The following PDE10A variants were observed in gnomAD, a reference collection of about 807,000 sequenced individuals.
The protein encoded by PDE10A is cAMP and cAMP-inhibited cGMP 3',5'-cyclic phosphodiesterase 10A.
Under a neutral mutation model 97.7 loss-of-function variants are expected in PDE10A, and 39 were observed. The observed-to-expected ratio is 0.40, with a 90% CI of 0.31 to 0.52. The LOEUF is 0.52. Ranked by LOEUF, PDE10A falls within the 20% of genes least tolerant of loss-of-function variation. The pLI is 0.56. For missense variants in PDE10A, 731 were observed against 1,047.8 expected (o/e 0.70, Z 4.17); for synonymous variants, 371 against 376.8 (o/e 0.98, Z 0.18).
chr6:165,920,092 A>G (rs1027058338), intron 1 of PDE10A, among the ~76,000 whole-genome samples: 1 of 152,178 alleles, frequency 6.6e-6, no homozygotes, highest in Non-Finnish European at 1.5e-5. Flanking sequence ...ATGCAGCCAC[A>G]CTTATCTGGT....
chr6:165,912,146 TCTAA>T (rs910626183), intron 1 of PDE10A, among the ~76,000 whole-genome samples: 31 of 152,162 alleles, frequency 2.0e-4, no homozygotes, highest in African/African-American at 2.9e-4. Flanking sequence ...CTATTATCTA[TCTAA>T]CTATCTAACT....
chr6:165,373,616 C>A (rs1784410922), intron 18 of PDE10A, among the ~76,000 whole-genome samples: 1 of 152,108 alleles, frequency 6.6e-6, no homozygotes. Flanking sequence ...AATAGGAACA[C>A]TTTTACACTG....
chr6:165,637,307 T>C (rs944420403), intron 1 of PDE10A, among the ~76,000 whole-genome samples: 8 of 152,164 alleles, frequency 5.3e-5, no homozygotes, highest in African/African-American at 1.4e-4. Context: ...CCACCACCTA[T>C]ACCATACTAG....
intron 1 of PDE10A, among the ~76,000 whole-genome samples, chr6:165,713,837 T>G (rs887221225): frequency 6.6e-6 from 1 of 152,248 alleles, no homozygotes; most frequent in African/African-American, 2.4e-5. Context: ...AAAGATTATA[T>G]GACAGTCAAT....
intron 1 of PDE10A, among the ~76,000 whole-genome samples, chr6:165,722,304 T>C (rs1373998220): frequency 6.6e-6 from 1 of 152,230 alleles, no homozygotes; most frequent in Non-Finnish European, 1.5e-5. Context: ...GTGTTTATAA[T>C]GACAGCCCAA....
intron 2 of PDE10A, among the ~76,000 whole-genome samples, chr6:165,510,814 T>C (rs1781466144): frequency 1.3e-5 from 2 of 152,030 alleles, no homozygotes; most frequent in Non-Finnish European, 1.5e-5. Flanking sequence ...TGTTAGTGTA[T>C]AGTTGTGCAT....
chr6:165,694,129 T>G (rs543423878), intron 1 of PDE10A, among the ~76,000 whole-genome samples: 1 of 152,346 alleles, frequency 6.6e-6, no homozygotes, highest in East Asian at 1.9e-4. Context: ...TGGCATTGGT[T>G]CTATACCAAG....
chr6:165,480,234 T>C (rs1779525833), intron 3 of PDE10A, among the ~76,000 whole-genome samples: 1 of 152,178 alleles, frequency 6.6e-6, no homozygotes, highest in South Asian at 2.1e-4. Context: ...AAACAAATAC[T>C]GGAGAATGGC....
At chr6:165,569,660 T>C (rs900691808) in intron 1 of PDE10A, among the ~76,000 whole-genome samples, 3 of 152,200 alleles carry the variant, frequency 2.0e-5, no homozygotes, top group African/African-American at 7.2e-5. Flanking sequence ...GTTAAACTCA[T>C]ACCCTCCTCT....
At chr6:165,648,778 G>A (rs929317785) in intron 1 of PDE10A, among the ~76,000 whole-genome samples, 2 of 152,214 alleles carry the variant, frequency 1.3e-5, no homozygotes, top group Non-Finnish European at 2.9e-5. Flanking sequence ...AACTCTGCAC[G>A]CACAGTCAGA....
intron 17 of PDE10A, among the ~76,000 whole-genome samples, chr6:165,385,200 GAAGATA>G (rs1785216865): frequency 6.6e-6 from 1 of 152,038 alleles, no homozygotes; most frequent in Admixed American, 6.6e-5. Flanking sequence ...GGAGGGATGG[GAAGATA>G]AAGCTAAAGA....
intron 1 of PDE10A, among the ~76,000 whole-genome samples, chr6:165,833,545 G>A (rs766544326): frequency 1.3e-5 from 2 of 152,262 alleles, no homozygotes; most frequent in Non-Finnish European, 2.9e-5. Context: ...GCCCCAGGGC[G>A]TAGCAGGCAG....
At chr6:165,498,424 A>AAAAAAAAAAAAT (rs1780672284) in intron 2 of PDE10A, among the ~76,000 whole-genome samples, 1 of 26,828 alleles carries the variant, frequency 3.7e-5, no homozygotes, top group African/African-American at 2.1e-4. Flanking sequence ...CCCTGTCTCC[A>AAAAAAAAAAAAT]AAAAAAAAAA....
In PDE10A at chr6:165,719,670, G is replaced by A. The variant is rs61467099; in HGVS notation, c.-614-176102C>T. Among the ~76,000 whole-genome samples, 13 of 152,312 alleles carry A rather than the reference G, an allele frequency of 8.5e-5. No homozygotes were observed. In the South Asian group the frequency reaches 2.7e-3, roughly 32 times the overall value. On this transcript the variant is annotated intron_variant, in intron 1 of 19. Transcript: ENST00000366882. ...CCAGGTGGGTGGTAGGGCAGACGCT[G>A]CAGGTGAAAGCTCATGGAGCTGATG...
At chr6:165,530,520 C>T (rs557572327) in intron 2 of PDE10A, among the ~76,000 whole-genome samples, 4 of 152,246 alleles carry the variant, frequency 2.6e-5, no homozygotes, top group African/African-American at 9.6e-5. Flanking sequence ...TAACTTCCTA[C>T]TGAGTACTAT....
chr6:165,838,720 A>C (rs77181082), intron 1 of PDE10A, among the ~76,000 whole-genome samples: 5,572 of 152,358 alleles, frequency 0.037, 139 homozygotes, highest in Middle Eastern at 0.078. Context: ...CCTACCTGCG[A>C]GATCTCAGGC....
At chr6:165,848,346 C>T (rs377052909) in intron 1 of PDE10A, among the ~76,000 whole-genome samples, 30 of 152,194 alleles carry the variant, frequency 2.0e-4, no homozygotes, top group South Asian at 1.7e-3. Context: ...GTGGGCTCCA[C>T]GGGGCGGTGG....
chr6:165,647,704 T>C (rs1194173066), intron 1 of PDE10A, among the ~76,000 whole-genome samples: 1 of 152,180 alleles, frequency 6.6e-6, no homozygotes, highest in Non-Finnish European at 1.5e-5. Context: ...CCCAGCCAAA[T>C]GGATGCTCTC....
chr6:165,433,933 C>T (rs1012092113), intron 6 of PDE10A, among the ~76,000 whole-genome samples: 1 of 142,802 alleles, frequency 7.0e-6, no homozygotes, highest in African/African-American at 2.6e-5. Flanking sequence ...AGGAGAATGG[C>T]GTGAACCCGG....
Sources: gnomAD v4.1 joint callset for allele counts (sites outside exome capture counted in the v4.1 genomes callset) on GRCh38, gnomAD v4.1.1 for gene constraint, MANE v1.5 for transcripts, NCBI Gene and HGNC (gene_info 2026-07-23, HGNC 2026-07-21) for gene names.